Variants in SCYL3 observed in about 807,000 individuals in gnomAD.
SCYL3 encodes the protein protein-associating with the carboxyl-terminal domain of ezrin.
SCYL3 carries 35 observed loss-of-function variants against 73.8 expected under a neutral mutation model. The ratio of observed to expected loss-of-function variants is 0.47; its 90% CI spans 0.36 to 0.63. The LOEUF (loss-of-function observed/expected upper bound fraction) is 0.63. Ranked by LOEUF, SCYL3 falls within the 20% of genes least tolerant of loss-of-function variation. The pLI, the probability that SCYL3 is intolerant of heterozygous loss-of-function variation, is 0.00. For missense variants in SCYL3, 712 were observed against 798.9 expected (o/e 0.89, Z 1.31); for synonymous variants, 277 against 295.2 (o/e 0.94, Z 0.63).
Position 169,851,563 on chromosome 1 carries a change from G to A in SCYL3, c.*2150C>T, listed in dbSNP as rs1164322847. 6.3e-6 allele frequency: 3 copies of A among 477,460 alleles called. No homozygotes were observed. The highest frequency in any genetic ancestry group is 1.1e-5 in the Non-Finnish European group (3 of 269,836). 29.6% of individuals were successfully genotyped at this position (477,460 alleles called of 1,614,324 possible). On this transcript the variant is annotated 3_prime_UTR_variant, in exon 13 of 13. Coordinates refer to ENST00000367771, the MANE Select transcript of SCYL3 (RefSeq NM_020423.7). Reference sequence around the variant, plus strand: ...ATACACTGCTGTTGCCAGTTTCTTAGCTTATACAGTAAAGGTTAGCAGACT... The same window carrying A: ...ATACACTGCTGTTGCCAGTTTCTTAACTTATACAGTAAAGGTTAGCAGACT...
chr1:169,888,823 A>G lies in SCYL3; in HGVS notation c.18T>C (p.Ser6=), dbSNP rs1197871844. 2 of 1,612,832 alleles carry G rather than the reference A, an allele frequency of 1.2e-6. No homozygotes were observed. Among genetic ancestry groups the G allele is most frequent in the Admixed American group, 3.3e-5 (2 of 59,898 alleles). Residue 6 remains serine, a synonymous_variant, in exon 2 of 13, where the codon AGT becomes AGC. Transcript: ENST00000367771. The part of the protein sequence containing the change: MGSEN[S]ALKSYTLREP... ...CTCTCAGTGTATAGCTCTTTAAAGC[A>G]CTGTTCTCTGATCCCATCCCTTATG... is the stretch of plus-strand genomic sequence containing the variant.
In SCYL3 at chr1:169,853,192, C is replaced by CCTAGG; in HGVS notation, c.*520_*521insCCTAG. 1 of 588,882 alleles carries CCTAGG rather than the reference C, an allele frequency of 1.7e-6. No homozygotes were observed. The highest frequency in any genetic ancestry group is 3.0e-6 in the Non-Finnish European group (1 of 333,692). The allele number at this position is 588,882 out of a possible 1,614,324, so 36.5% of individuals were successfully genotyped here. ...GTACTACATGTGGAACAGTCAGGAA[C>CCTAGG]TGCCTAGGTCCACAAAGAACCATTT... On this transcript the variant is annotated 3_prime_UTR_variant, in exon 13 of 13. Transcript: ENST00000367771.
intron 2 of SCYL3, among the ~76,000 whole-genome samples, chr1:169,884,823 G>T (rs1661562301): frequency 1.3e-5 from 2 of 152,288 alleles, no homozygotes; most frequent in South Asian, 4.1e-4. Flanking sequence ...TCTGAACAAG[G>T]CACTTAACTT....
At chr1:169,888,377 T>C (rs192598103) in intron 2 of SCYL3, among the ~76,000 whole-genome samples, 103 of 152,372 alleles carry the variant, frequency 6.8e-4, no homozygotes, top group Admixed American at 5.9e-3. Flanking sequence ...TAGCTCCTTA[T>C]ATCTTATATT....
chr1:169,859,110 C>G lies in SCYL3; in HGVS notation c.1243G>C (p.Gly415Arg). 6.2e-7 allele frequency: 1 copy of G among 1,613,984 alleles called. No homozygotes were observed. The highest frequency in any genetic ancestry group is 1.1e-5 in the South Asian group (1 of 91,072). ...SLLGPEVVVG[G>R]ERTKIFKRTA... ...CGTTTGAAGATCTTGGTTCGTTCTC[C>G]TCCCACAACCACCTCTGGTCCAAGC... The change falls in exon 11 of 13, where the codon GGA becomes CGA. Residue 415 changes from glycine (G) to arginine (R), a missense_variant. Transcript: ENST00000367771.
chr1:169,860,399 A>C (rs895333637), intron 10 of SCYL3, among the ~76,000 whole-genome samples: 1 of 152,268 alleles, frequency 6.6e-6, no homozygotes, highest in Non-Finnish European at 1.5e-5. Context: ...CCAGCCAGAC[A>C]CAAGGCCAGG....
At chr1:169,863,030 A>G (rs1659777763) in intron 9 of SCYL3, among the ~76,000 whole-genome samples, 1 of 152,008 alleles carries the variant, frequency 6.6e-6, no homozygotes, top group African/African-American at 2.4e-5. Flanking sequence ...CTCCTGCCTC[A>G]GCCTCCCGAG....
chr1:169,892,905 A>G (rs1467457946), intron 1 of SCYL3, among the ~76,000 whole-genome samples: 1 of 152,196 alleles, frequency 6.6e-6, no homozygotes, highest in African/African-American at 2.4e-5. Context: ...GAAAGTTCCA[A>G]AGATAATGGC....
At chr1:169,864,635 G>A (rs1230762413) in intron 8 of SCYL3, 127 bp from the exon 9 acceptor site, 1 of 996,060 alleles carries the variant, frequency 1.0e-6, no homozygotes, top group African/African-American at 1.7e-5. Context: ...TGGAGATAGA[G>A]AAGGTGAACA....
intron 11 of SCYL3, among the ~76,000 whole-genome samples, chr1:169,858,635 T>C (rs985612887): frequency 6.6e-6 from 1 of 152,222 alleles, no homozygotes; most frequent in Non-Finnish European, 1.5e-5. Flanking sequence ...ACACTAGGTT[T>C]GTTTACACCA....
Position 169,870,227 on chromosome 1 carries a change from T to C in SCYL3, c.625+28A>G, listed in dbSNP as rs758110426. The stretch of plus-strand genomic sequence containing the variant: ...ATGGATGATTTTCCTACTTATTCTA[T>C]AGATGCAGTAGTATAACTCCAACTC... On this transcript the variant is annotated intron_variant, in intron 6 of 12. Coordinates refer to ENST00000367771, the MANE Select transcript of SCYL3 (RefSeq NM_020423.7). The C allele has an allele frequency of 2.9e-5, 42 of 1,429,662 alleles. No individual in the cohort carries two copies. The Admixed American group carries it at 4.5e-4, about 15-fold the overall frequency. 88.6% of individuals were successfully genotyped at this position (1,429,662 alleles called of 1,614,324 possible). A position where few individuals can be genotyped will look rare whatever the true frequency, so the allele number is the denominator to read the frequency against.
intron 10 of SCYL3, among the ~76,000 whole-genome samples, chr1:169,861,065 C>T (rs1659607547): frequency 6.6e-6 from 1 of 152,210 alleles, no homozygotes; most frequent in Admixed American, 6.5e-5. Context: ...CTTCATTCCT[C>T]TTCTAAATTT....
Position 169,852,157 on chromosome 1 carries a change from A to AG in SCYL3, c.*1555dup. The AG allele has an allele frequency of 1.6e-6, 1 of 606,824 alleles. No individual in the cohort carries two copies. Among genetic ancestry groups the AG allele is most frequent in the South Asian group, 2.0e-5 (1 of 50,338 alleles). 37.6% of individuals were successfully genotyped at this position (606,824 alleles called of 1,614,324 possible). A position where few individuals can be genotyped will look rare whatever the true frequency, so the allele number is the denominator to read the frequency against. ...CTTTCAGTATGTTTGAATTATTGGT[A>AG]GTAACCTTTAAGGGAAGTTACATAT... On this transcript the variant is annotated 3_prime_UTR_variant, in exon 13 of 13. Transcript: ENST00000367771.
In SCYL3 at chr1:169,850,577, C is replaced by T. The variant is rs1658006260; in HGVS notation, c.*3136G>A. 7.9e-6 allele frequency: 3 copies of T among 381,170 alleles called. No individual in the cohort carries two copies. Among genetic ancestry groups the T allele is most frequent in the Non-Finnish European group, 1.5e-5 (3 of 205,668 alleles). The allele number at this position is 381,170 out of a possible 1,614,324, so 23.6% of individuals were successfully genotyped here. A position where few individuals can be genotyped will look rare whatever the true frequency, so the allele number is the denominator to read the frequency against. On this transcript the variant is annotated 3_prime_UTR_variant, in exon 13 of 13. Coordinates refer to ENST00000367771, the MANE Select transcript of SCYL3 (RefSeq NM_020423.7). ...CTTTGGGAGGCCAAGGTGGGTGGAT[C>T]ATGAGGTCAGGAGTTCAAGACCAGC...
At chr1:169,862,099 A>C (rs1659690186) in intron 10 of SCYL3, among the ~76,000 whole-genome samples, 1 of 152,226 alleles carries the variant, frequency 6.6e-6, no homozygotes, top group Admixed American at 6.5e-5. Context: ...CTCCAGAACT[A>C]AAAATAAATT....
At chr1:169,891,462 G>A (rs1400652473) in intron 1 of SCYL3, among the ~76,000 whole-genome samples, 1 of 152,122 alleles carries the variant, frequency 6.6e-6, no homozygotes, top group East Asian at 1.9e-4. Flanking sequence ...CATTTCATAG[G>A]CAGAAAGCTC....
At chr1:169,874,121 TC>T (rs1660626333) in intron 4 of SCYL3, among the ~76,000 whole-genome samples, 1 of 152,152 alleles carries the variant, frequency 6.6e-6, no homozygotes, top group South Asian at 2.1e-4. Flanking sequence ...ACAGAACAAA[TC>T]TGTCATTAAT....
At chr1:169,862,368 T>C (rs1659710781) in intron 10 of SCYL3, among the ~76,000 whole-genome samples, 2 of 152,260 alleles carry the variant, frequency 1.3e-5, no homozygotes, top group South Asian at 2.1e-4. Context: ...ATTATTGTTA[T>C]TCATTTACCC....
intron 10 of SCYL3, among the ~76,000 whole-genome samples, chr1:169,861,464 C>A (rs1262168456): frequency 6.6e-6 from 1 of 152,206 alleles, no homozygotes; most frequent in Admixed American, 6.5e-5. Context: ...CTCAGCCACC[C>A]CTTCCAAGAT....
Sources: allele counts gnomAD v4.1 joint callset (sites outside exome capture counted in the v4.1 genomes callset), GRCh38; gene constraint gnomAD v4.1.1; transcripts MANE v1.5; gene names NCBI Gene and HGNC (gene_info 2026-07-23, HGNC 2026-07-21).